Variants in GSN observed in about 807,000 individuals in gnomAD.
GSN encodes the protein actin-depolymerizing factor.
Under a neutral mutation model 85.7 loss-of-function variants are expected in GSN, and 56 were observed. That is an observed-to-expected ratio of 0.65 (90% CI 0.53 to 0.82). The LOEUF is 0.82. Among genes scored for constraint, GSN ranks in the 40% least tolerant of loss-of-function variants. GSN has a pLI of 0.00. For synonymous variants in GSN, 373 were observed against 399.1 expected, an observed-to-expected ratio of 0.93 and a Z score of 0.78; for missense variants, 857 against 979.8, an observed-to-expected ratio of 0.87 and a Z score of 1.67.
At chr9:121,300,268 T>C in intron 2 of GSN, 1 of 646,380 alleles carries the variant, frequency 1.5e-6, no homozygotes, top group Non-Finnish European at 2.9e-6. Context: ...TCTTACCTCC[T>C]GTCTCCTGAA....
At chr9:121,311,015 C>T in intron 5 of GSN, 170 bp downstream of exon 5, 1 of 665,876 alleles carries the variant, frequency 1.5e-6, no homozygotes. Flanking sequence ...CAAATGTAGA[C>T]TCACACCACG....
At chr9:121,290,417 T>C (rs1017134633) in intron 2 of GSN, among the ~76,000 whole-genome samples, 1 of 152,224 alleles carries the variant, frequency 6.6e-6, no homozygotes, top group Non-Finnish European at 1.5e-5. Flanking sequence ...GTATTTTAAA[T>C]AAAACCTATT....
At chr9:121,220,110 T>C (rs2054141657) in intron 4 of GSN, among the ~76,000 whole-genome samples, 1 of 152,194 alleles carries the variant, frequency 6.6e-6, no homozygotes, top group Non-Finnish European at 1.5e-5. Flanking sequence ...CTCAAACTCC[T>C]GACCCCAGGT....
chr9:121,224,505 A>C (rs991857921), intron 4 of GSN, among the ~76,000 whole-genome samples: 1 of 152,106 alleles, frequency 6.6e-6, no homozygotes, highest in Non-Finnish European at 1.5e-5. Context: ...AGAGCTATAA[A>C]CTCAAAGTAA....
intron 4 of GSN, among the ~76,000 whole-genome samples, chr9:121,223,842 A>G (rs1305611871): frequency 6.6e-6 from 1 of 150,804 alleles, no homozygotes. Flanking sequence ...TATTTTTAGT[A>G]GAGACGGAGT....
intron 6 of GSN, among the ~76,000 whole-genome samples, chr9:121,249,125 T>A (rs2054761532): frequency 6.6e-6 from 1 of 151,864 alleles, no homozygotes; most frequent in Non-Finnish European, 1.5e-5. Context: ...ATAGACTTGA[T>A]AGGACTTGGC....
At chr9:121,320,626 C>G (rs886274096) in intron 10 of GSN, among the ~76,000 whole-genome samples, 1 of 125,854 alleles carries the variant, frequency 7.9e-6, no homozygotes, top group African/African-American at 3.0e-5. Flanking sequence ...GCCTGGGCAA[C>G]AAGAGTGAAA....
chr9:121,207,921 ATATGTG>A (rs1225217485), intron 1 of GSN: 3 of 59,266 alleles, frequency 5.1e-5, no homozygotes, highest in South Asian at 1.4e-3. Flanking sequence ...CATCTGGCTA[ATATGTG>A]TGTGTGTGTG....
intron 5 of GSN, chr9:121,238,801 A>C: frequency 1.9e-6 from 1 of 520,482 alleles, no homozygotes; most frequent in African/African-American, 1.9e-5. Context: ...AGAAATTCCA[A>C]GTCAAGAAGA....
intron 4 of GSN, among the ~76,000 whole-genome samples, chr9:121,229,796 A>C (rs571348012): frequency 1.4e-4 from 21 of 152,324 alleles, no homozygotes; most frequent in African/African-American, 4.3e-4. Context: ...ACACTTTGAG[A>C]CTATGTGGAT....
chr9:121,325,345 G>GGA (rs1450634973), intron 12 of GSN, among the ~76,000 whole-genome samples: 1 of 152,216 alleles, frequency 6.6e-6, no homozygotes, highest in Admixed American at 6.5e-5. Context: ...GCAGAGTGAA[G>GGA]GAAAGCACAT....
Position 121,238,656 on chromosome 9 carries a change from A to G in GSN, c.-389+7353A>G, listed in dbSNP as rs2132184685. 9.9e-6 allele frequency: 3 copies of G among 302,768 alleles called. No homozygotes were observed. The South Asian group carries it at 1.0e-4, about 10-fold the overall frequency. The allele number at this position is 302,768 out of a possible 1,614,324, so 18.8% of individuals were successfully genotyped here. ...CCTATTAATTCTCTCCCTCTGGAGAACCTGACCAGTACAGGTGCTCTTCAG... is the reference window on the plus strand; with the variant it reads ...CCTATTAATTCTCTCCCTCTGGAGAGCCTGACCAGTACAGGTGCTCTTCAG... On this transcript the variant is annotated intron_variant, in intron 5 of 24. Transcript: ENST00000373823.
chr9:121,312,281 C>T (rs934072315), intron 5 of GSN, 58 bp from the exon 6 acceptor site: 8 of 1,594,782 alleles, frequency 5.0e-6, no homozygotes, highest in African/African-American at 2.7e-5. Context: ...CAAGCCCTGT[C>T]GCTGGGCGGG....
At chr9:121,282,239 C>A (rs1368093880) in intron 2 of GSN, 1 of 587,228 alleles carries the variant, frequency 1.7e-6, no homozygotes, top group East Asian at 3.0e-5. Flanking sequence ...CTCCCCCTAC[C>A]CACCTAACAA....
chr9:121,277,328 C>T (rs1341594741), intron 1 of GSN, among the ~76,000 whole-genome samples: 8 of 152,304 alleles, frequency 5.3e-5, no homozygotes, highest in Non-Finnish European at 7.3e-5. Flanking sequence ...ATTCTAAGAT[C>T]GCCTGGGGCT....
At position 121,223,784 on chromosome 9, in the gene GSN, C is replaced by T. The variant is rs567473561; in HGVS notation, c.-527-7381C>T. On this transcript the variant is annotated intron_variant, in intron 4 of 24. Coordinates refer to the GSN transcript ENST00000373823. ...AAGCGATTCTCGTGCCTCAGCCTCCCGAGTAGCTGGGATTACAGGCGTGTG... is the reference window on the plus strand; with the variant it reads ...AAGCGATTCTCGTGCCTCAGCCTCCTGAGTAGCTGGGATTACAGGCGTGTG... Among the ~76,000 whole-genome samples the T allele has an allele frequency of 4.2e-4, 64 of 152,130 alleles. 1 individual carries two copies. The South Asian group carries it at 0.012, about 29-fold the overall frequency.
At position 121,318,814 on chromosome 9, in the gene GSN, C is replaced by T. The variant is rs1589133730; in HGVS notation, c.1125C>T (p.Thr375=). ...AGCGGGTGCCCTTCGACGCCGCCAC[C>T]CTGCACACCTCCACTGCCATGGCCG... ...NVERVPFDAA[T]LHTSTAMAAQ... Residue 375 remains threonine (T), a synonymous_variant, in exon 10 of 18, where the codon ACC becomes ACT. Coordinates refer to ENST00000432226, the MANE Select transcript of GSN (RefSeq NM_198252.3). This position sits in a 1 kb window ranked among gnomAD's most constrained non-coding sequence, Gnocchi z 4.3. 6.2e-7 allele frequency: 1 copy of T among 1,614,156 alleles called. No individual in the cohort carries two copies. The highest frequency in any genetic ancestry group is 1.3e-5 in the African/African-American group (1 of 75,058).
intron 1 of GSN, among the ~76,000 whole-genome samples, chr9:121,273,084 A>G (rs1435068019): frequency 6.6e-6 from 1 of 152,164 alleles, no homozygotes; most frequent in Non-Finnish European, 1.5e-5. Flanking sequence ...TTCCTGGGCT[A>G]TAAAGTATCC....
chr9:121,279,399 G>A (rs529199340), intron 1 of GSN, among the ~76,000 whole-genome samples: 66 of 152,276 alleles, frequency 4.3e-4, no homozygotes, highest in African/African-American at 1.5e-3. Context: ...GAGGTTGCAG[G>A]AGGATCAGTT....
Sources: gnomAD v4.1 joint callset for allele counts (sites outside exome capture counted in the v4.1 genomes callset) on GRCh38, gnomAD v4.1.1 for gene constraint, Gnocchi (gnomAD v3.1) non-coding constraint, MANE v1.5 for transcripts, NCBI Gene and HGNC (gene_info 2026-07-23, HGNC 2026-07-21) for gene names.